ALDH5A1: variants seen among roughly 807,000 people sequenced by gnomAD.
The protein encoded by ALDH5A1 is aldehyde dehydrogenase 5 family member A1, also known as succinate-semialdehyde dehydrogenase, mitochondrial.
Under a neutral mutation model 54.7 loss-of-function variants are expected in ALDH5A1, and 33 were observed. That is an observed-to-expected ratio of 0.60 (90% CI 0.46 to 0.81). ALDH5A1 has a LOEUF of 0.81. Ranked by LOEUF, ALDH5A1 falls within the 30% of genes least tolerant of loss-of-function variation. The pLI, the probability that ALDH5A1 is intolerant of heterozygous loss-of-function variation, is 0.00. For synonymous variants in ALDH5A1, 294 were observed against 292.7 expected (o/e 1.00, Z -0.05); for missense variants, 657 against 711.0 (o/e 0.92, Z 0.86).
Position 24,532,155 on chromosome 6 carries a change from C to T in ALDH5A1, c.1380C>T (p.Asn460=), listed in dbSNP as rs1191466061. 22 of 1,614,162 alleles carry T rather than the reference C, an allele frequency of 1.4e-5. No homozygotes were observed. The highest frequency in any genetic ancestry group is 3.3e-5 in the Admixed American group (2 of 60,020). Residue 460 remains asparagine, a synonymous_variant, in exon 9 of 10, where the codon AAC becomes AAT. Coordinates refer to ENST00000357578, the MANE Select transcript of ALDH5A1 (RefSeq NM_001080.3). The part of the protein sequence containing the change: ...DTEEEAIAIA[N]AADVGLAGYF... ...AGGAGGAGGCTATAGCAATCGCTAA[C>T]GCAGCTGATGTTGGGTTAGCAGGTA...
At chr6:24,526,793 T>C (rs1759804530) in intron 7 of ALDH5A1, among the ~76,000 whole-genome samples, 1 of 144,644 alleles carries the variant, frequency 6.9e-6, no homozygotes, top group African/African-American at 2.6e-5. Flanking sequence ...TTGAAAGATT[T>C]CACTGCTTAC....
At chr6:24,530,573 C>A (rs1242860082) in intron 8 of ALDH5A1, among the ~76,000 whole-genome samples, 1 of 152,158 alleles carries the variant, frequency 6.6e-6, no homozygotes, top group African/African-American at 2.4e-5. Context: ...GCTCCTCATA[C>A]ATTTGGAGGG....
At chr6:24,526,960 A>ATTC (rs1561878603) in intron 7 of ALDH5A1, among the ~76,000 whole-genome samples, 38 of 17,518 alleles carry the variant, frequency 2.2e-3, no homozygotes, top group African/African-American at 5.0e-3. Flanking sequence ...TCTAATATAT[A>ATTC]TATATGTGTG....
intron 2 of ALDH5A1, among the ~76,000 whole-genome samples, 158 bp from the exon 3 acceptor site, chr6:24,503,105 T>G (rs902780254): frequency 6.6e-6 from 1 of 152,166 alleles, no homozygotes; most frequent in Non-Finnish European, 1.5e-5. Context: ...TAATTCTGCT[T>G]TTTAAAACTC....
intron 9 of ALDH5A1, among the ~76,000 whole-genome samples, chr6:24,533,112 A>T (rs1159264424): frequency 6.6e-6 from 1 of 152,186 alleles, no homozygotes; most frequent in Admixed American, 6.5e-5. Context: ...GTAATGGAAG[A>T]TGAAGCCAGA....
Position 24,495,330 on chromosome 6 carries a change from T to C in ALDH5A1, c.334T>C (p.Trp112Arg). The change falls in exon 1 of 10, where the codon TGG (tryptophan) becomes CGG (arginine). Residue 112 changes from tryptophan to arginine, a missense_variant. Physicochemically the swap from Trp to Arg is moderately radical, Grantham distance 101. This residue lies in a region of ALDH5A1 where 232 missense variants were observed against 194.6 expected (regional missense o/e 1.19). Coordinates refer to ENST00000357578, the MANE Select transcript of ALDH5A1 (RefSeq NM_001080.3). ...VRAAYEAFCR[W>R]REVSAKERSS... ...CGCTGCCTACGAGGCTTTCTGCCGCTGGAGGGAGGTCTCCGCCAAGGTGAG... is the reference window on the plus strand; with the variant it reads ...CGCTGCCTACGAGGCTTTCTGCCGCCGGAGGGAGGTCTCCGCCAAGGTGAG... 6.5e-7 allele frequency: 1 copy of C among 1,532,922 alleles called. No individual in the cohort carries two copies. Among genetic ancestry groups the C allele is most frequent in the Non-Finnish European group, 8.7e-7 (1 of 1,146,342 alleles). 95.0% of individuals were successfully genotyped at this position (1,532,922 alleles called of 1,614,324 possible). A position where few individuals can be genotyped will look rare whatever the true frequency, so the allele number is the denominator to read the frequency against.
At chr6:24,511,902 A>C (rs1013409303) in intron 4 of ALDH5A1, 2 of 587,780 alleles carry the variant, frequency 3.4e-6, no homozygotes, top group Non-Finnish European at 6.2e-6. Flanking sequence ...GGTGTTAAAG[A>C]ATCTTGTTTT....
At chr6:24,515,467 G>T (rs1221748822) in intron 5 of ALDH5A1, among the ~76,000 whole-genome samples, 157 bp downstream of exon 5, 2 of 152,218 alleles carry the variant, frequency 1.3e-5, no homozygotes, top group Non-Finnish European at 2.9e-5. Context: ...GCTCATGCCT[G>T]TAATTCCAGC....
At chr6:24,529,764 T>TG (rs35413356) in intron 8 of ALDH5A1, among the ~76,000 whole-genome samples, 48,634 of 148,800 alleles carry the variant, frequency 0.33, 9,799 homozygotes, top group Non-Finnish European at 0.46. Flanking sequence ...CTCTGCCTCT[T>TG]GGGTTCAAGC....
intron 6 of ALDH5A1, 36 bp downstream of exon 6, chr6:24,520,580 CGTGTGCATGTGTGAGTGTGTGTATGT>C (rs1561875905): frequency 6.2e-7 from 1 of 1,611,294 alleles, no homozygotes; most frequent in Non-Finnish European, 8.5e-7. Context: ...TGTGTGTTTG[CGTGTGCATGTGTGAGTGTGTGTATGT>C]GTGTGTGTGT....
In ALDH5A1 at chr6:24,504,787, C is replaced by G. The variant is rs536799247; in HGVS notation, c.610-82C>G. ...AATCAGTTGTGCAATGAAATTTGTT[C>G]ACTGACTTCCCAACATGCCTTCCTT... On this transcript the variant is annotated intron_variant, in intron 3 of 9. Transcript: ENST00000357578. 1.8e-5 allele frequency: 25 copies of G among 1,361,996 alleles called. No individual in the cohort carries two copies. The East Asian group carries it at 5.5e-4, about 30-fold the overall frequency. 84.4% of individuals were successfully genotyped at this position (1,361,996 alleles called of 1,614,324 possible).
At chr6:24,497,569 CAGAA>C (rs1764739254) in intron 1 of ALDH5A1, among the ~76,000 whole-genome samples, 1 of 147,908 alleles carries the variant, frequency 6.8e-6, no homozygotes, top group South Asian at 2.2e-4. Context: ...TCTTGTAAGA[CAGAA>C]AAGTTCTCCA....
chr6:24,515,528 C>T (rs1157059828), intron 5 of ALDH5A1, among the ~76,000 whole-genome samples: 1 of 152,118 alleles, frequency 6.6e-6, no homozygotes, highest in Non-Finnish European at 1.5e-5. Context: ...AGTTCGAGAC[C>T]AGCCTGGCCA....
In ALDH5A1 at chr6:24,515,222, G is replaced by C. The variant is rs772361710; in HGVS notation, c.782G>C (p.Arg261Pro). The C allele has an allele frequency of 5.6e-6, 9 of 1,611,826 alleles. 1 individual carries two copies. The South Asian group carries it at 6.6e-5, about 12-fold the overall frequency. ...SGVYNVIPCS[R>P]KNAKEVGEAI... ...GTATACAATGTTATTCCCTGTTCTC[G>C]AAAGAATGCCAAGGAAGTAGGGGAG... Residue 261 changes from arginine to proline, a missense_variant, in exon 5 of 10, where the codon CGA (arginine) becomes CCA (proline). Arg to Pro is a moderately radical substitution (Grantham distance 103, BLOSUM62 -2). Around this residue, in one of 2 missense-constraint regions of ALDH5A1, gnomAD observed 425 missense variants for 516.4 expected, o/e 0.82. Coordinates refer to ENST00000357578, the MANE Select transcript of ALDH5A1 (RefSeq NM_001080.3).
At chr6:24,516,787 G>A (rs1323751566) in intron 5 of ALDH5A1, among the ~76,000 whole-genome samples, 1 of 152,078 alleles carries the variant, frequency 6.6e-6, no homozygotes, top group Non-Finnish European at 1.5e-5. Flanking sequence ...GCTGGGCTTA[G>A]TGGCACACAC....
intron 2 of ALDH5A1, among the ~76,000 whole-genome samples, chr6:24,502,928 C>T (rs555194770): frequency 2.0e-5 from 3 of 150,632 alleles, no homozygotes; most frequent in Admixed American, 1.3e-4. Flanking sequence ...TGTTTTTGTA[C>T]ATTTTTTAAT....
intron 4 of ALDH5A1, among the ~76,000 whole-genome samples, chr6:24,506,547 G>A (rs1418697491): frequency 6.6e-6 from 1 of 151,786 alleles, no homozygotes; most frequent in Non-Finnish European, 1.5e-5. Context: ...CACCACGCTC[G>A]GCCTCTTTCC....
At chr6:24,526,154 TTG>T (rs4646847) in intron 7 of ALDH5A1, among the ~76,000 whole-genome samples, 4 of 151,730 alleles carry the variant, frequency 2.6e-5, no homozygotes, top group South Asian at 2.1e-4. Flanking sequence ...AACCCAGTCC[TTG>T]TGTGTGTGTG....
intron 1 of ALDH5A1, among the ~76,000 whole-genome samples, chr6:24,496,699 A>G (rs1024881065): frequency 2.6e-5 from 4 of 152,180 alleles, no homozygotes; most frequent in Non-Finnish European, 5.9e-5. Flanking sequence ...AGTTGGTTAT[A>G]TGAATGAATC....
Sources: gnomAD v4.1 joint callset for allele counts (sites outside exome capture counted in the v4.1 genomes callset) on GRCh38, gnomAD v4.1.1 for gene constraint, gnomAD v4.1.1 regional missense constraint, MANE v1.5 for transcripts, NCBI Gene and HGNC (gene_info 2026-07-23, HGNC 2026-07-21) for gene names.